Variants in GRID2 observed in about 807,000 individuals in gnomAD.
GRID2 encodes the protein glutamate receptor ionotropic, delta-2.
Under a neutral mutation model 114.8 loss-of-function variants are expected in GRID2, and 33 were observed. The ratio of observed to expected loss-of-function variants is 0.29; its 90% CI spans 0.22 to 0.38. GRID2 has a LOEUF of 0.38. Among genes scored for constraint, GRID2 ranks in the 10% least tolerant of loss-of-function variants. The pLI is 1.00. For missense variants in GRID2, 1,184 were observed against 1,257.7 expected (o/e 0.94, Z 0.89); for synonymous variants, 505 against 449.9 (o/e 1.12, Z -1.55).
At chr4:93,385,317 G>A (rs1764213948) in intron 8 of GRID2, among the ~76,000 whole-genome samples, 1 of 152,118 alleles carries the variant, frequency 6.6e-6, no homozygotes, top group Non-Finnish European at 1.5e-5. Flanking sequence ...TTCATCATAG[G>A]GATGACTCTT....
chr4:93,736,792 T>G (rs1578698832), intron 14 of GRID2, among the ~76,000 whole-genome samples: 1 of 131,204 alleles, frequency 7.6e-6, no homozygotes, highest in Admixed American at 8.0e-5. Context: ...AAGCCTGAAG[T>G]AAAGGCATGG....
Position 93,345,520 on chromosome 4 carries a change from C to A in GRID2, c.1246-50087C>A, listed in dbSNP as rs556954059. 2.6e-5 allele frequency among the ~76,000 whole-genome samples: 4 copies of A among 151,970 alleles called. No homozygotes were observed. The South Asian group carries it at 8.3e-4, about 32-fold the overall frequency. ...TTTGTTTTCTTGCTATTGAGTTGTT[C>A]AAGTTTCTTATATATTTTGGATATT... is the stretch of plus-strand genomic sequence containing the variant. On this transcript the variant is annotated intron_variant, in intron 8 of 15. Transcript: ENST00000282020.
intron 2 of GRID2, among the ~76,000 whole-genome samples, chr4:92,875,666 G>T (rs562628777): frequency 5.9e-4 from 90 of 152,128 alleles, no homozygotes; most frequent in African/African-American, 1.9e-3. Flanking sequence ...ATGGGGGTGG[G>T]CTGAATTTTG....
At chr4:93,030,793 G>A (rs1467605952) in intron 2 of GRID2, among the ~76,000 whole-genome samples, 2 of 151,824 alleles carry the variant, frequency 1.3e-5, no homozygotes, top group African/African-American at 4.8e-5. Flanking sequence ...ACAAGGAGAG[G>A]GAGAGGAATG....
At chr4:93,751,960 C>T (rs1368668809) in intron 14 of GRID2, among the ~76,000 whole-genome samples, 1 of 151,992 alleles carries the variant, frequency 6.6e-6, no homozygotes, top group Non-Finnish European at 1.5e-5. Flanking sequence ...GGCCATTGCA[C>T]ACCTGAACAT....
chr4:92,919,975 T>G (rs1373977486), intron 2 of GRID2, among the ~76,000 whole-genome samples: 1 of 152,182 alleles, frequency 6.6e-6, no homozygotes, highest in African/African-American at 2.4e-5. Flanking sequence ...TATTATTGTG[T>G]GGGAGTGTAA....
At chr4:93,376,841 G>A (rs1040657437) in intron 8 of GRID2, among the ~76,000 whole-genome samples, 7 of 152,150 alleles carry the variant, frequency 4.6e-5, no homozygotes, top group Admixed American at 3.3e-4. Flanking sequence ...CAGAGAGGGA[G>A]AGCATTAGGA....
chr4:93,408,371 C>T (rs200897746), intron 9 of GRID2, among the ~76,000 whole-genome samples: 2 of 148,554 alleles, frequency 1.3e-5, no homozygotes, highest in Non-Finnish European at 3.0e-5. Context: ...TGCTCATTTT[C>T]TTTTTTTTTT....
chr4:93,366,585 G>A (rs1177838930), intron 8 of GRID2, among the ~76,000 whole-genome samples: 1 of 151,944 alleles, frequency 6.6e-6, no homozygotes, highest in Non-Finnish European at 1.5e-5. Context: ...CCTTGTGATA[G>A]TCTATTACCT....
intron 2 of GRID2, among the ~76,000 whole-genome samples, chr4:93,067,611 ACATTCAGAC>A (rs2149300953): frequency 6.6e-6 from 1 of 152,176 alleles, no homozygotes; most frequent in Admixed American, 6.6e-5. Flanking sequence ...GGGAACACAT[ACATTCAGAC>A]CATAGCACTT....
At chr4:92,864,019 A>G (rs1560649584) in intron 2 of GRID2, among the ~76,000 whole-genome samples, 1 of 152,322 alleles carries the variant, frequency 6.6e-6, no homozygotes, top group East Asian at 1.9e-4. Flanking sequence ...CAGAATAGAC[A>G]CGCCTCAAGG....
chr4:93,097,434 T>TA (rs978486746), intron 3 of GRID2, among the ~76,000 whole-genome samples: 1 of 151,552 alleles, frequency 6.6e-6, no homozygotes. Flanking sequence ...TACTGAGTCA[T>TA]AAAAAAAAGG....
chr4:92,640,884 TAC>T (rs1194316284), intron 2 of GRID2, among the ~76,000 whole-genome samples: 1 of 151,916 alleles, frequency 6.6e-6, no homozygotes, highest in Non-Finnish European at 1.5e-5. Context: ...CATTACATGA[TAC>T]ATTTTATTTG....
intron 11 of GRID2, among the ~76,000 whole-genome samples, chr4:93,486,608 C>T (rs1726430658): frequency 6.6e-6 from 1 of 151,598 alleles, no homozygotes; most frequent in Non-Finnish European, 1.5e-5. Context: ...TCTTCATCTG[C>T]CAAGATCATA....
intron 2 of GRID2, among the ~76,000 whole-genome samples, chr4:92,778,933 A>G (rs948778993): frequency 6.6e-6 from 1 of 152,076 alleles, no homozygotes; most frequent in Non-Finnish European, 1.5e-5. Context: ...GTGAATTGAC[A>G]GGTTACCAAG....
chr4:92,656,317 A>G (rs1732233428), intron 2 of GRID2, among the ~76,000 whole-genome samples: 1 of 151,588 alleles, frequency 6.6e-6, no homozygotes, highest in Non-Finnish European at 1.5e-5. Flanking sequence ...TTTTGATGTC[A>G]TTACCAGATA....
intron 2 of GRID2, among the ~76,000 whole-genome samples, chr4:92,930,510 A>C (rs1033949949): frequency 4.0e-5 from 6 of 150,908 alleles, no homozygotes; most frequent in Non-Finnish European, 7.4e-5. Context: ...AGCAAACTGC[A>C]CTATGAAGAC....
At chr4:93,228,508 C>G (rs1339202221) in intron 7 of GRID2, among the ~76,000 whole-genome samples, 2 of 152,130 alleles carry the variant, frequency 1.3e-5, no homozygotes, top group Admixed American at 1.3e-4. Flanking sequence ...AATGCTGTGT[C>G]TTCTTTGCCA....
intron 1 of GRID2, among the ~76,000 whole-genome samples, chr4:92,359,225 C>A (rs1172670603): frequency 2.0e-5 from 3 of 152,026 alleles, no homozygotes; most frequent in Admixed American, 6.6e-5. Context: ...GACTTCTATT[C>A]TTTCTCTTAC....
Sources: gnomAD v4.1 joint callset for allele counts (sites outside exome capture counted in the v4.1 genomes callset) on GRCh38, gnomAD v4.1.1 for gene constraint, MANE v1.5 for transcripts, NCBI Gene and HGNC (gene_info 2026-07-23, HGNC 2026-07-21) for gene names.